The following ABHD2 variants were observed in gnomAD, a reference collection of about 807,000 sequenced individuals.
ABHD2 encodes the protein abhydrolase domain containing 2, acylglycerol lipase, also known as monoacylglycerol lipase ABHD2.
Under a neutral mutation model 48.1 loss-of-function variants are expected in ABHD2, and 20 were observed. The observed-to-expected ratio is 0.42, with a 90% confidence interval of 0.29 to 0.60. ABHD2 has a LOEUF of 0.60. ABHD2 is among the 20% of genes least tolerant of loss of function. The pLI is 0.24. For synonymous variants in ABHD2, 209 were observed against 214.2 expected (o/e 0.98, Z 0.21); for missense variants, 405 against 550.9 (o/e 0.74, Z 2.65).
At chr15:89,187,929 C>G (rs1232030288) in intron 7 of ABHD2, among the ~76,000 whole-genome samples, 1 of 152,222 alleles carries the variant, frequency 6.6e-6, no homozygotes, top group African/African-American at 2.4e-5. Flanking sequence ...TCTTGAGCCC[C>G]CCTCCCCTGT....
intron 8 of ABHD2, among the ~76,000 whole-genome samples, chr15:89,190,490 G>A (rs1002458449): frequency 5.9e-5 from 9 of 152,056 alleles, no homozygotes; most frequent in East Asian, 3.8e-4. Flanking sequence ...TCCAATTCAC[G>A]GTGGTCCTGT....
rs892392890 is a variant in ABHD2, at chr15:89,173,720, C to T, written c.539-2092C>T. Among the ~76,000 whole-genome samples, 7 of 152,194 alleles carry T rather than the reference C, an allele frequency of 4.6e-5. No homozygotes were observed. The highest frequency in any genetic ancestry group is 7.2e-5 in the African/African-American group (3 of 41,442). On this transcript the variant is annotated intron_variant, in intron 5 of 10. Transcript: ENST00000352732. The surrounding 1 kb of genome is among the most constrained non-coding windows in gnomAD (Gnocchi z 6.5). ...CTGTCCTCAGGGCCCATTCAGAGGC[C>T]TTGTCATCAGAATCCACTCAATTCA...
At position 89,185,545 on chromosome 15, in the gene ABHD2, G is replaced by A. The variant is rs777652392; in HGVS notation, c.815+29G>A. ...GGTCACCTTCCGTTCTCTCTCAGGA[G>A]ACAGACAGTTCCTTCCTGAGCTCAT... On this transcript the variant is annotated intron_variant, in intron 7 of 10. Coordinates refer to ENST00000352732, the MANE Select transcript of ABHD2 (RefSeq NM_152924.5). This position sits in a 1 kb window ranked among gnomAD's most constrained non-coding sequence, Gnocchi z 5.9. 19 of 1,589,082 alleles carry A rather than the reference G, an allele frequency of 1.2e-5. No homozygotes were observed. In the South Asian group the frequency reaches 2.0e-4, roughly 17 times the overall value.
At position 89,174,322 on chromosome 15, in the gene ABHD2, T is replaced by C. The variant is rs769739646; in HGVS notation, c.539-1490T>C. Among the ~76,000 whole-genome samples, 3 of 152,222 alleles carry C rather than the reference T, an allele frequency of 2.0e-5. No individual in the cohort carries two copies. Among genetic ancestry groups the C allele is most frequent in the Admixed American group, 1.3e-4 (2 of 15,280 alleles). On this transcript the variant is annotated intron_variant, in intron 5 of 10. Coordinates refer to ENST00000352732, the MANE Select transcript of ABHD2 (RefSeq NM_152924.5). This position sits in a 1 kb window ranked among gnomAD's most constrained non-coding sequence, Gnocchi z 4.1. ...TTTACAGCATTTGAATTTTCTACCA[T>C]GGGCATGAATTACCTACTCAAAAAC...
intron 3 of ABHD2, among the ~76,000 whole-genome samples, chr15:89,118,422 GC>G: frequency 6.6e-6 from 1 of 152,170 alleles, no homozygotes; most frequent in Non-Finnish European, 1.5e-5. Context: ...CAGGTAATCT[GC>G]CAGCCTCAAA....
the ABHD2 span, among the ~76,000 whole-genome samples, chr15:89,057,346 C>T: frequency 6.6e-6 from 1 of 152,172 alleles, no homozygotes; most frequent in African/African-American, 2.4e-5. Context: ...AGCTAATTCC[C>T]TTCCTTCATC....
At position 89,151,439 on chromosome 15, in the gene ABHD2, C is replaced by A. The variant is rs1806422541; in HGVS notation, c.195-238C>A. 6.6e-6 allele frequency among the ~76,000 whole-genome samples: 1 copy of A among 152,122 alleles called. No individual in the cohort carries two copies. Among genetic ancestry groups the A allele is most frequent in the Admixed American group, 6.6e-5 (1 of 15,264 alleles). On this transcript the variant is annotated intron_variant, in intron 3 of 10. Transcript: ENST00000352732. The surrounding 1 kb of genome is among the most constrained non-coding windows in gnomAD (Gnocchi z 4.7). ...CTTAACAGTTACCCTAAATTGAAAT[C>A]CTCTTTATATATATGTCCTGGTTGA...
rs2050846664 is a variant in ABHD2, at chr15:89,166,938, T to G, written c.539-8874T>G. Among the ~76,000 whole-genome samples the G allele has an allele frequency of 6.6e-6, 1 of 152,184 alleles. No homozygotes were observed. Among genetic ancestry groups the G allele is most frequent in the Non-Finnish European group, 1.5e-5 (1 of 68,038 alleles). ...CATCTCCCTCCATCTAATTACACATTCCAATTGAGACACTTTTGAGAGTAA... is the reference window on the plus strand; with the variant it reads ...CATCTCCCTCCATCTAATTACACATGCCAATTGAGACACTTTTGAGAGTAA... On this transcript the variant is annotated intron_variant, in intron 5 of 10. Coordinates refer to ENST00000352732, the MANE Select transcript of ABHD2 (RefSeq NM_152924.5). This position sits in a 1 kb window ranked among gnomAD's most constrained non-coding sequence, Gnocchi z 4.6.
In ABHD2 at chr15:89,149,090, T is replaced by C. The variant is rs372968223; in HGVS notation, c.195-2587T>C. On this transcript the variant is annotated intron_variant, in intron 3 of 10. Transcript: ENST00000352732. ...TGGTGTTGTATTATTATGAAGTTAA[T>C]TAAAAACAGTGTTTTATCAGTAGGT... Among the ~76,000 whole-genome samples, 15 of 152,302 alleles carry C rather than the reference T, an allele frequency of 9.8e-5. No homozygotes were observed. In the East Asian group the frequency reaches 2.5e-3, roughly 25 times the overall value.
rs527626935 is a variant in ABHD2, at chr15:89,176,563, T to C, written c.722+568T>C. On this transcript the variant is annotated intron_variant, in intron 6 of 10. Coordinates refer to ENST00000352732, the MANE Select transcript of ABHD2 (RefSeq NM_152924.5). This position sits in a 1 kb window ranked among gnomAD's most constrained non-coding sequence, Gnocchi z 4.5. ...CTCCCACCCCTTAGTCTCTTGCCAG[T>C]AGATGCCCCACAGGATGAGTCCCAG... 1.3e-5 allele frequency among the ~76,000 whole-genome samples: 2 copies of C among 152,288 alleles called. No homozygotes were observed. Among genetic ancestry groups the C allele is most frequent in the African/African-American group, 4.8e-5 (2 of 41,564 alleles).
chr15:89,074,873 C>G, the ABHD2 span, among the ~76,000 whole-genome samples: 225 of 152,300 alleles, frequency 1.5e-3, no homozygotes, highest in Middle Eastern at 3.4e-3. Context: ...TGCTGTCATC[C>G]TGTTTCCTGC....
intron 5 of ABHD2, among the ~76,000 whole-genome samples, chr15:89,161,525 C>A (rs1366536696): frequency 6.6e-6 from 1 of 152,126 alleles, no homozygotes; most frequent in Non-Finnish European, 1.5e-5. Flanking sequence ...CTCAGCCTCC[C>A]TAGTAGCTGG....
chr15:89,052,527 ACAGACAGACAG>A, the ABHD2 span, among the ~76,000 whole-genome samples: 1 of 44,438 alleles, frequency 2.3e-5, no homozygotes, highest in African/African-American at 4.5e-5. Flanking sequence ...CCAGAGACAG[ACAGACAGACAG>A]ACAGACAGAC....
rs2051011679 is a variant in ABHD2, at chr15:89,176,269, A to C, written c.722+274A>C. On this transcript the variant is annotated intron_variant, in intron 6 of 10. Transcript: ENST00000352732. This position sits in a 1 kb window ranked among gnomAD's most constrained non-coding sequence, Gnocchi z 4.5. ...TTTGATAGTTGCTGTCTCCTAGGGA[A>C]TCTCTGTCAGGTGACTTAATTTGTT... 6.6e-6 allele frequency among the ~76,000 whole-genome samples: 1 copy of C among 152,086 alleles called. No individual in the cohort carries two copies. Among genetic ancestry groups the C allele is most frequent in the African/African-American group, 2.4e-5 (1 of 41,410 alleles).
At chr15:89,083,932 C>T (rs1901316654), upstream of ABHD2, among the ~76,000 whole-genome samples, 1 of 152,166 alleles carries the variant, frequency 6.6e-6, no homozygotes, top group South Asian at 2.1e-4. This position sits in a 1 kb window ranked among gnomAD's most constrained non-coding sequence, Gnocchi z 5.1. Flanking sequence ...TCTGAACCTC[C>T]TTCCTAGACT....
At chr15:89,050,777 AC>A in the ABHD2 span, among the ~76,000 whole-genome samples, 5 of 152,024 alleles carry the variant, frequency 3.3e-5, no homozygotes, top group Non-Finnish European at 7.4e-5. Flanking sequence ...AGCCTGAGTT[AC>A]CCCCATGAGT....
chr15:89,055,051 C>T, the ABHD2 span, among the ~76,000 whole-genome samples: 1 of 151,920 alleles, frequency 6.6e-6, no homozygotes, highest in Non-Finnish European at 1.5e-5. Context: ...CCTAGCAAGA[C>T]CCCATCTCTA....
In ABHD2 at chr15:89,146,829, A is replaced by G. The variant is rs2050499474; in HGVS notation, c.195-4848A>G. 6.6e-6 allele frequency among the ~76,000 whole-genome samples: 1 copy of G among 152,242 alleles called. No individual in the cohort carries two copies. The highest frequency in any genetic ancestry group is 6.5e-5 in the Admixed American group (1 of 15,286). On this transcript the variant is annotated intron_variant, in intron 3 of 10. Coordinates refer to ENST00000352732, the MANE Select transcript of ABHD2 (RefSeq NM_152924.5). The surrounding 1 kb of genome is among the most constrained non-coding windows in gnomAD (Gnocchi z 4.2). ...TGTACCATGTTTTTGGATGGGACAC[A>G]TCAGTATTGTAAAGGTGTCAATTAT...
At position 89,201,769 on chromosome 15, in the gene ABHD2, C is replaced by G; in HGVS notation, c.*6346C>G. 6.6e-7 allele frequency: 1 copy of G among 1,508,298 alleles called. No individual in the cohort carries two copies. 93.4% of individuals were successfully genotyped at this position (1,508,298 alleles called of 1,614,324 possible). Reference sequence around the variant, plus strand: ...GGCGGGTCGAGGACCAGGATCTGCTCGTGCTTCGCCGTGGCCCCGGAGGCA... The same window carrying G: ...GGCGGGTCGAGGACCAGGATCTGCTGGTGCTTCGCCGTGGCCCCGGAGGCA... On this transcript the variant is annotated 3_prime_UTR_variant, in exon 11 of 11. Transcript: ENST00000352732.
Sources: allele counts gnomAD v4.1 joint callset (sites outside exome capture counted in the v4.1 genomes callset), GRCh38; gene constraint gnomAD v4.1.1; non-coding constraint Gnocchi (gnomAD v3.1); transcripts MANE v1.5; gene names NCBI Gene and HGNC (gene_info 2026-07-23, HGNC 2026-07-21).